Variants in ADCY9 observed in about 807,000 individuals in gnomAD.
ADCY9 encodes the protein adenylate cyclase type 9.
A neutral mutation model predicts 101.5 loss-of-function variants in ADCY9; 50 were observed. That is an observed-to-expected ratio of 0.49 (90% CI 0.39 to 0.62). The LOEUF (loss-of-function observed/expected upper bound fraction) is 0.62, where lower values mean the gene tolerates loss of function less well. Among genes scored for constraint, ADCY9 ranks in the 20% least tolerant of loss-of-function variants. The probability of loss-of-function intolerance (pLI) is 0.00; values close to 1 mark genes in which losing one functional copy is unlikely to be tolerated. For missense variants in ADCY9, 1,662 were observed against 1,800.4 expected, an observed-to-expected ratio of 0.92 and a Z score of 1.39; for synonymous variants, 905 against 769.3, an observed-to-expected ratio of 1.18 and a Z score of -2.92.
chr16:3,985,011 G>A (rs1409150571), intron 6 of ADCY9, among the ~76,000 whole-genome samples: 1 of 152,204 alleles, frequency 6.6e-6, no homozygotes, highest in Non-Finnish European at 1.5e-5. Flanking sequence ...GGGGGTTAGG[G>A]TTTGGTTCCA....
At chr16:3,983,091 A>G in intron 7 of ADCY9, 141 bp downstream of exon 7, 2 of 784,816 alleles carry the variant, frequency 2.5e-6, no homozygotes, top group Non-Finnish European at 3.9e-6. Context: ...GGGCTCGGGG[A>G]GGACACGGGG....
At chr16:3,959,046 G>C (rs1379516081), downstream of ADCY9, among the ~76,000 whole-genome samples, 2 of 152,024 alleles carry the variant, frequency 1.3e-5, no homozygotes, top group Non-Finnish European at 2.9e-5. Flanking sequence ...GCATGCGTTA[G>C]GGTTGACGTT....
At chr16:4,059,179 A>G (rs2056758929) in intron 2 of ADCY9, among the ~76,000 whole-genome samples, 1 of 152,082 alleles carries the variant, frequency 6.6e-6, no homozygotes, top group South Asian at 2.1e-4. Flanking sequence ...TGAGGTCAGG[A>G]GTTCGAGACC....
intron 2 of ADCY9, among the ~76,000 whole-genome samples, chr16:4,097,549 ATATATTTTTTT>A (rs1324620905): frequency 2.1e-5 from 1 of 48,238 alleles, no homozygotes; most frequent in African/African-American, 1.1e-4. Context: ...ATATATATAT[ATATATTTTTTT>A]TTTTTTTTTT....
intron 2 of ADCY9, among the ~76,000 whole-genome samples, chr16:4,022,481 A>C (rs906301976): frequency 1.0e-5 from 1 of 100,046 alleles, no homozygotes; most frequent in Non-Finnish European, 1.8e-5. Context: ...CCAGAGCGAG[A>C]CTCCGTCTCA....
rs186274076 is a variant in ADCY9, at chr16:3,978,146, C to T, written c.2680-516G>A. ...TCAAGCCTCTAGGTTCCCTACCCGG[C>T]GTGAGGCTCCCTGTTCACATGGCAT... On this transcript the variant is annotated intron_variant, in intron 8 of 10. Transcript: ENST00000294016. Among the ~76,000 whole-genome samples the T allele has an allele frequency of 3.3e-5, 5 of 152,326 alleles. No individual in the cohort carries two copies. The East Asian group carries it at 5.8e-4, about 18-fold the overall frequency.
At chr16:3,987,375 T>A (rs1236086967) in intron 6 of ADCY9, among the ~76,000 whole-genome samples, 1 of 152,234 alleles carries the variant, frequency 6.6e-6, no homozygotes, top group Non-Finnish European at 1.5e-5. Flanking sequence ...TTTGGGAGGC[T>A]CAGCAGTGCA....
intron 2 of ADCY9, among the ~76,000 whole-genome samples, chr16:4,028,094 G>T (rs1206954798): frequency 6.6e-6 from 1 of 152,022 alleles, no homozygotes; most frequent in Non-Finnish European, 1.5e-5. Context: ...AAGATTTTTG[G>T]GGGGTGATTA....
chr16:4,089,036 G>A (rs1350595334), intron 2 of ADCY9, among the ~76,000 whole-genome samples: 2 of 151,970 alleles, frequency 1.3e-5, no homozygotes, highest in Non-Finnish European at 2.9e-5. Flanking sequence ...GTATGGATTT[G>A]CCTGTAGTTC....
intron 2 of ADCY9, among the ~76,000 whole-genome samples, chr16:4,037,511 G>A (rs12933423): frequency 0.11 from 17,239 of 151,978 alleles, 1,014 homozygotes; most frequent in Middle Eastern, 0.17. Flanking sequence ...CAACATTGCT[G>A]TGATGAACAT....
intron 2 of ADCY9, among the ~76,000 whole-genome samples, chr16:4,100,432 C>A (rs779535558): frequency 6.6e-6 from 1 of 152,030 alleles, no homozygotes; most frequent in Non-Finnish European, 1.5e-5. Flanking sequence ...TAGGTTCCAG[C>A]GATTCTCCTG....
At chr16:4,081,502 AC>A (rs1273832626) in intron 2 of ADCY9, among the ~76,000 whole-genome samples, 1 of 152,180 alleles carries the variant, frequency 6.6e-6, no homozygotes, top group Non-Finnish European at 1.5e-5. Context: ...GATATCTAAG[AC>A]TCTTAACAGG....
At chr16:3,990,341 C>G (rs1387416580) in intron 5 of ADCY9, among the ~76,000 whole-genome samples, 2 of 152,070 alleles carry the variant, frequency 1.3e-5, no homozygotes, top group African/African-American at 2.4e-5. Flanking sequence ...TGGCAGGTGC[C>G]TGTAATCCCA....
At chr16:4,009,865 C>T (rs1460865293) in intron 2 of ADCY9, among the ~76,000 whole-genome samples, 2 of 152,178 alleles carry the variant, frequency 1.3e-5, no homozygotes, top group Non-Finnish European at 2.9e-5. Context: ...CAAAGAAGTA[C>T]ACGCAAGGAG....
At chr16:4,065,588 T>C (rs1458225757) in intron 2 of ADCY9, among the ~76,000 whole-genome samples, 4 of 152,182 alleles carry the variant, frequency 2.6e-5, no homozygotes, top group African/African-American at 9.7e-5. Flanking sequence ...TATTTATTTA[T>C]TGAGACGGAG....
chr16:4,095,404 C>T (rs1021539859), intron 2 of ADCY9, among the ~76,000 whole-genome samples: 1 of 152,068 alleles, frequency 6.6e-6, no homozygotes, highest in African/African-American at 2.4e-5. Flanking sequence ...CAATATAGGG[C>T]CAGTAGATCC....
chr16:4,044,025 T>C lies in ADCY9; in HGVS notation c.1694-36467A>G, dbSNP rs533794184. Among the ~76,000 whole-genome samples the C allele has an allele frequency of 8.5e-5, 13 of 152,204 alleles. No individual in the cohort carries two copies. The South Asian group carries it at 2.7e-3, about 32-fold the overall frequency. ...TTTTAAAAAAATGAAATAGCTTAAC[T>C]AGAACCATCTAAACTACAAAGAATC... On this transcript the variant is annotated intron_variant, in intron 2 of 10. Transcript: ENST00000294016.
intron 2 of ADCY9, among the ~76,000 whole-genome samples, chr16:4,023,343 T>C (rs1324894454): frequency 6.6e-6 from 1 of 152,190 alleles, no homozygotes; most frequent in African/African-American, 2.4e-5. Flanking sequence ...AAAAGCTTCC[T>C]GCAATAGAGA....
intron 2 of ADCY9, among the ~76,000 whole-genome samples, chr16:4,036,574 T>C (rs953523880): frequency 2.2e-4 from 33 of 147,094 alleles, no homozygotes; most frequent in Non-Finnish European, 4.2e-4. Context: ...GCAATTCTCC[T>C]GCCTCAGCCT....
Sources: allele counts gnomAD v4.1 joint callset (sites outside exome capture counted in the v4.1 genomes callset), GRCh38; gene constraint gnomAD v4.1.1; transcripts MANE v1.5; gene names NCBI Gene and HGNC (gene_info 2026-07-23, HGNC 2026-07-21).